Variants in BRINP3 observed in about 807,000 individuals in gnomAD.
BRINP3 encodes BMP/retinoic acid-inducible neural-specific protein 3.
In BRINP3, 19 loss-of-function variants were observed where a neutral mutation model predicts 71.0. The ratio of observed to expected loss-of-function variants is 0.27; its 90% CI spans 0.19 to 0.39. The LOEUF (loss-of-function observed/expected upper bound fraction) is 0.39. Ranked by LOEUF, BRINP3 falls within the 10% of genes least tolerant of loss-of-function variation. The pLI is 1.00. For missense variants in BRINP3, 959 were observed against 940.8 expected (o/e 1.02, Z -0.25); for synonymous variants, 380 against 337.7 (o/e 1.13, Z -1.37).
At chr1:190,290,811 T>C (rs567393) in intron 2 of BRINP3, among the ~76,000 whole-genome samples, 62,539 of 151,792 alleles carry the variant, frequency 0.41, 13,600 homozygotes, top group Non-Finnish European at 0.49. Flanking sequence ...GACCTCAAAC[T>C]TAATGACATT....
At position 190,390,010 on chromosome 1, in the gene BRINP3, T is replaced by G. The variant is rs1671152512; in HGVS notation, c.236+64645A>C. Among the ~76,000 whole-genome samples the G allele has an allele frequency of 3.3e-5, 5 of 151,816 alleles. No individual in the cohort carries two copies. In the Admixed American group the frequency reaches 3.3e-4, roughly 10 times the overall value. Reference sequence around the variant, plus strand: ...TTTATGGGAACAATAAACACATTTTTGTAAACTGATGAGACTTTTCCTGTA... The same window carrying G: ...TTTATGGGAACAATAAACACATTTTGGTAAACTGATGAGACTTTTCCTGTA... On this transcript the variant is annotated intron_variant, in intron 2 of 7. Coordinates refer to ENST00000367462, the MANE Select transcript of BRINP3 (RefSeq NM_199051.3).
At chr1:190,412,466 GT>G (rs1216884351) in intron 2 of BRINP3, among the ~76,000 whole-genome samples, 91 of 105,982 alleles carry the variant, frequency 8.6e-4, no homozygotes, top group African/African-American at 2.3e-3. Context: ...GTTTTTTTTT[GT>G]TTTTTTTTTT....
chr1:190,183,269 A>C (rs1653190718), intron 6 of BRINP3, among the ~76,000 whole-genome samples: 1 of 151,904 alleles, frequency 6.6e-6, no homozygotes, highest in Non-Finnish European at 1.5e-5. Context: ...TTGGTATTTC[A>C]TGTAAGTAAT....
intron 2 of BRINP3, among the ~76,000 whole-genome samples, chr1:190,386,375 GTTTT>G (rs1043918889): frequency 1.6e-4 from 24 of 151,628 alleles, no homozygotes; most frequent in African/African-American, 5.3e-4. Flanking sequence ...TTTTTCATCT[GTTTT>G]TAAGTATAAG....
At chr1:190,364,655 C>T (rs1449568162) in intron 2 of BRINP3, among the ~76,000 whole-genome samples, 1 of 151,926 alleles carries the variant, frequency 6.6e-6, no homozygotes, top group African/African-American at 2.4e-5. Context: ...AGTAATCTAA[C>T]AAATTGCTCT....
intron 2 of BRINP3, among the ~76,000 whole-genome samples, chr1:190,379,825 C>A (rs1670424821): frequency 6.6e-6 from 1 of 151,518 alleles, no homozygotes; most frequent in African/African-American, 2.4e-5. Flanking sequence ...TGGTGAAACC[C>A]CATCTCTACT....
chr1:190,452,787 G>A (rs759837717), intron 2 of BRINP3, among the ~76,000 whole-genome samples: 24 of 152,230 alleles, frequency 1.6e-4, no homozygotes, highest in Non-Finnish European at 3.1e-4. Flanking sequence ...AACCCAGGAG[G>A]CGGAGGTTGC....
intron 2 of BRINP3, among the ~76,000 whole-genome samples, chr1:190,389,500 C>G (rs1671116359): frequency 6.6e-6 from 1 of 151,760 alleles, no homozygotes; most frequent in Non-Finnish European, 1.5e-5. Context: ...GTCTCATTAA[C>G]TTGTGGTAAA....
intron 1 of BRINP3, among the ~76,000 whole-genome samples, chr1:190,469,747 T>A (rs1224982604): frequency 6.6e-6 from 1 of 150,908 alleles, no homozygotes; most frequent in Non-Finnish European, 1.5e-5. Context: ...AGAAGGGGCT[T>A]TGGTGAGCAA....
chr1:190,346,905 T>C (rs1426467476), intron 2 of BRINP3, among the ~76,000 whole-genome samples: 2 of 152,124 alleles, frequency 1.3e-5, no homozygotes, highest in South Asian at 2.1e-4. Context: ...ATAAAAAGTG[T>C]CCTATATTTT....
At chr1:190,462,464 T>C (rs1468465160) in intron 1 of BRINP3, among the ~76,000 whole-genome samples, 4 of 152,044 alleles carry the variant, frequency 2.6e-5, no homozygotes, top group African/African-American at 9.7e-5. Context: ...AATGAGAATT[T>C]AAAGAATAAT....
At chr1:190,237,818 A>C (rs1558095450) in intron 4 of BRINP3, among the ~76,000 whole-genome samples, 1 of 152,074 alleles carries the variant, frequency 6.6e-6, no homozygotes, top group Non-Finnish European at 1.5e-5. Context: ...AAAACACTGG[A>C]ATACTGATAA....
rs754872871 is a variant in BRINP3, at chr1:190,264,872, G to A, written c.611C>T (p.Ala204Val). The A allele has an allele frequency of 6.8e-6, 11 of 1,612,832 alleles. No homozygotes were observed. The highest frequency in any genetic ancestry group is 8.5e-6 in the Non-Finnish European group (10 of 1,179,416). ...GCGTAAACTCATTCTTACCTTTATG[G>A]CAGTGGATGCAATTTGAATGTGGTG... ...RLHHIQIAST[A>V]IKVTETRTGP... The change falls in exon 4 of 8, where the codon GCC becomes GTC. Residue 204 changes from alanine (A) to valine (V), a missense_variant. Ala to Val is a moderately conservative substitution (Grantham distance 64, BLOSUM62 0). Coordinates refer to ENST00000367462, the MANE Select transcript of BRINP3 (RefSeq NM_199051.3).
At chr1:190,447,278 C>G (rs1675282440) in intron 2 of BRINP3, among the ~76,000 whole-genome samples, 1 of 132,004 alleles carries the variant, frequency 7.6e-6, no homozygotes, top group African/African-American at 2.7e-5. Flanking sequence ...GACTATTACC[C>G]TATATATATA....
At chr1:190,245,255 T>C (rs1241050409) in intron 4 of BRINP3, among the ~76,000 whole-genome samples, 1 of 151,520 alleles carries the variant, frequency 6.6e-6, no homozygotes, top group Non-Finnish European at 1.5e-5. Context: ...CTTTTTTTTT[T>C]TTCAGAAAAA....
intron 6 of BRINP3, among the ~76,000 whole-genome samples, chr1:190,200,396 AGATCT>A (rs1270892956): frequency 5.3e-5 from 8 of 152,158 alleles, no homozygotes; most frequent in Admixed American, 4.6e-4. Flanking sequence ...ATGAACCAAT[AGATCT>A]TAGAGACCAT....
chr1:190,189,412 C>T (rs1653833040), intron 6 of BRINP3, among the ~76,000 whole-genome samples: 1 of 151,964 alleles, frequency 6.6e-6, no homozygotes, highest in African/African-American at 2.4e-5. Flanking sequence ...TCTTTTGATG[C>T]TGTTTCAAAA....
chr1:190,301,585 A>C (rs2102999135), intron 2 of BRINP3, among the ~76,000 whole-genome samples: 1 of 151,890 alleles, frequency 6.6e-6, no homozygotes, highest in South Asian at 2.1e-4. Context: ...ATGAAATAAA[A>C]ATTTTTAAAG....
intron 5 of BRINP3, among the ~76,000 whole-genome samples, chr1:190,227,547 C>G (rs182638157): frequency 2.6e-5 from 4 of 151,618 alleles, no homozygotes; most frequent in African/African-American, 9.7e-5. Flanking sequence ...ATAAAAGATG[C>G]AACTATATAA....
Sources: gnomAD v4.1 joint callset for allele counts (sites outside exome capture counted in the v4.1 genomes callset) on GRCh38, gnomAD v4.1.1 for gene constraint, MANE v1.5 for transcripts, NCBI Gene and HGNC (gene_info 2026-07-23, HGNC 2026-07-21) for gene names.